Variants in NAALADL2 observed in about 807,000 individuals in gnomAD.
NAALADL2 encodes inactive N-acetylated-alpha-linked acidic dipeptidase-like protein 2.
A neutral mutation model predicts 87.2 loss-of-function variants in NAALADL2; 76 were observed. The observed-to-expected ratio is 0.87, with a 90% CI of 0.72 to 1.05. The LOEUF (loss-of-function observed/expected upper bound fraction) is 1.05, where lower values mean the gene tolerates loss of function less well. Ranked by LOEUF, NAALADL2 falls within the 50% of genes least tolerant of loss-of-function variation. NAALADL2 has a pLI of 0.00. For missense variants in NAALADL2, 1,089 were observed against 945.8 expected, an observed-to-expected ratio of 1.15 and a Z score of -1.99; for synonymous variants, 354 against 331.0, an observed-to-expected ratio of 1.07 and a Z score of -0.75.
intron 11 of NAALADL2, among the ~76,000 whole-genome samples, chr3:175,641,889 A>G (rs1442565269): frequency 6.6e-6 from 1 of 152,246 alleles, no homozygotes; most frequent in East Asian, 1.9e-4. Flanking sequence ...TGCCAGGTAT[A>G]TTAGTTACCA....
chr3:174,836,211 C>G (rs764002818), intron 3 of NAALADL2, among the ~76,000 whole-genome samples: 3 of 152,042 alleles, frequency 2.0e-5, no homozygotes, highest in African/African-American at 7.3e-5. Flanking sequence ...GTAGTCATTA[C>G]GCAAAGTGAA....
At chr3:175,310,800 A>C (rs1203524946) in intron 4 of NAALADL2, among the ~76,000 whole-genome samples, 1 of 152,080 alleles carries the variant, frequency 6.6e-6, no homozygotes, top group Non-Finnish European at 1.5e-5. Flanking sequence ...AAGCACTAAA[A>C]ATAAATAGTA....
At chr3:174,940,057 T>C (rs1208182771) in intron 1 of NAALADL2, among the ~76,000 whole-genome samples, 2 of 152,074 alleles carry the variant, frequency 1.3e-5, no homozygotes, top group Non-Finnish European at 2.9e-5. Flanking sequence ...ATAGAAGTGG[T>C]GAGAGAGGAC....
At chr3:174,673,270 A>G (rs180971507) in intron 2 of NAALADL2, among the ~76,000 whole-genome samples, 1 of 152,172 alleles carries the variant, frequency 6.6e-6, no homozygotes, top group East Asian at 1.9e-4. Context: ...TTTTTCAAGG[A>G]ATTCATGATG....
intron 3 of NAALADL2, among the ~76,000 whole-genome samples, chr3:174,765,143 C>CGAGAGA (rs71634279): frequency 2.6e-4 from 32 of 124,626 alleles, no homozygotes; most frequent in South Asian, 1.4e-3. Context: ...CACACACACA[C>CGAGAGA]GAGAGAGAGA....
intron 10 of NAALADL2, among the ~76,000 whole-genome samples, chr3:175,576,410 A>G (rs944584546): frequency 2.0e-5 from 3 of 152,178 alleles, no homozygotes; most frequent in African/African-American, 7.2e-5. Context: ...TTATACTGTC[A>G]CTCACATTTT....
chr3:175,366,696 T>G (rs1207295986), intron 5 of NAALADL2, among the ~76,000 whole-genome samples: 2 of 151,178 alleles, frequency 1.3e-5, no homozygotes, highest in African/African-American at 2.4e-5. Flanking sequence ...GCCCACTTTT[T>G]GATGGGGTTG....
At chr3:174,756,738 C>G (rs770223088) in intron 3 of NAALADL2, among the ~76,000 whole-genome samples, 3 of 152,176 alleles carry the variant, frequency 2.0e-5, no homozygotes, top group Non-Finnish European at 2.9e-5. Flanking sequence ...TAAAGATCTG[C>G]AGCACTTGAT....
At chr3:175,061,527 A>C (rs1242638706) in intron 1 of NAALADL2, among the ~76,000 whole-genome samples, 2 of 152,122 alleles carry the variant, frequency 1.3e-5, no homozygotes, top group African/African-American at 2.4e-5. Flanking sequence ...AAGTGATGGC[A>C]AAAGAAACCA....
intron 1 of NAALADL2, among the ~76,000 whole-genome samples, chr3:175,035,163 A>G (rs908497406): frequency 2.0e-4 from 31 of 152,286 alleles, no homozygotes; most frequent in Admixed American, 1.7e-3. Flanking sequence ...TTGAACAGGT[A>G]CATTCTGCAT....
intron 2 of NAALADL2, among the ~76,000 whole-genome samples, chr3:174,673,885 G>A (rs2108808427): frequency 6.6e-6 from 1 of 152,058 alleles, no homozygotes; most frequent in Non-Finnish European, 1.5e-5. Context: ...ATTACACAAT[G>A]TATGCATGTA....
intron 2 of NAALADL2, among the ~76,000 whole-genome samples, chr3:175,164,654 G>A (rs968921886): frequency 1.3e-5 from 2 of 152,158 alleles, no homozygotes; most frequent in Non-Finnish European, 2.9e-5. Context: ...ACTGGGAAGA[G>A]TTATACACAT....
chr3:175,695,060 T>C (rs988165009), intron 11 of NAALADL2, among the ~76,000 whole-genome samples: 1 of 150,844 alleles, frequency 6.6e-6, no homozygotes, highest in African/African-American at 2.4e-5. Flanking sequence ...GAGAGATCCA[T>C]ATAGGTGCTT....
At chr3:174,713,141 T>C (rs913712936) in intron 2 of NAALADL2, among the ~76,000 whole-genome samples, 1 of 152,240 alleles carries the variant, frequency 6.6e-6, no homozygotes, top group African/African-American at 2.4e-5. Flanking sequence ...ACTCATCCTT[T>C]TTTATGGCTG....
intron 1 of NAALADL2, among the ~76,000 whole-genome samples, chr3:175,088,685 C>G (rs1012259797): frequency 2.8e-4 from 42 of 151,958 alleles, no homozygotes; most frequent in African/African-American, 9.9e-4. Flanking sequence ...TGTGTAGATA[C>G]AAGCTTCAAC....
chr3:175,553,735 T>C (rs927642770), intron 9 of NAALADL2, among the ~76,000 whole-genome samples: 3 of 151,920 alleles, frequency 2.0e-5, no homozygotes, highest in East Asian at 1.9e-4. Flanking sequence ...TTTTATATGA[T>C]AATATAAATT....
chr3:175,428,125 C>G (rs566959859), intron 5 of NAALADL2, among the ~76,000 whole-genome samples: 16 of 152,040 alleles, frequency 1.1e-4, no homozygotes, highest in Admixed American at 3.3e-4. Flanking sequence ...TTCTAGCAAC[C>G]CCCAAATGTT....
chr3:175,714,653 C>CA (rs915213915), intron 11 of NAALADL2, among the ~76,000 whole-genome samples: 1 of 152,050 alleles, frequency 6.6e-6, no homozygotes, highest in Non-Finnish European at 1.5e-5. Flanking sequence ...GAGTAGATTG[C>CA]AAAAACGTTC....
At chr3:175,275,786 C>G (rs901256279) in intron 4 of NAALADL2, among the ~76,000 whole-genome samples, 1 of 151,616 alleles carries the variant, frequency 6.6e-6, no homozygotes, top group Non-Finnish European at 1.5e-5. Context: ...ACTCTAAGTA[C>G]TATCTATACC....
Sources: allele counts gnomAD v4.1 joint callset (sites outside exome capture counted in the v4.1 genomes callset), GRCh38; gene constraint gnomAD v4.1.1; transcripts MANE v1.5; gene names NCBI Gene and HGNC (gene_info 2026-07-23, HGNC 2026-07-21).